The following CCDC77 variants were observed in gnomAD, a reference collection of about 807,000 sequenced individuals.
CCDC77 encodes coiled-coil domain-containing protein 77.
CCDC77 carries 56 observed loss-of-function variants against 66.8 expected under a neutral mutation model. The ratio of observed to expected loss-of-function variants is 0.84; its 90% CI spans 0.68 to 1.05. The LOEUF (loss-of-function observed/expected upper bound fraction) is 1.05. CCDC77 is among the 50% of genes least tolerant of loss of function. The probability of loss-of-function intolerance (pLI) is 0.00; values close to 1 mark genes in which losing one functional copy is unlikely to be tolerated. For missense variants in CCDC77, 570 were observed against 576.8 expected, an observed-to-expected ratio of 0.99 and a Z score of 0.12; for synonymous variants, 196 against 195.2, an observed-to-expected ratio of 1.00 and a Z score of -0.03.
At chr12:414,038 C>T (rs537107195) in intron 4 of CCDC77, among the ~76,000 whole-genome samples, 2 of 151,808 alleles carry the variant, frequency 1.3e-5, no homozygotes, top group Non-Finnish European at 2.9e-5. Flanking sequence ...TTGCCCTTTG[C>T]AGTGTCTGTC....
intron 1 of CCDC77, among the ~76,000 whole-genome samples, chr12:390,479 A>G (rs1225695004): frequency 6.6e-6 from 1 of 152,188 alleles, no homozygotes; most frequent in Non-Finnish European, 1.5e-5. Flanking sequence ...CCTCTGAGTA[A>G]CAAATCAGGG....
At chr12:432,192 C>G (rs543740647) in intron 8 of CCDC77, among the ~76,000 whole-genome samples, 16 of 152,108 alleles carry the variant, frequency 1.1e-4, no homozygotes, top group Non-Finnish European at 1.9e-4. Flanking sequence ...TATACTAAGC[C>G]CCATCCACCA....
Position 416,357 on chromosome 12 carries a change from G to GTATATATATATATATA in CCDC77, c.271-2136_271-2135insATATATATATATATAT, listed in dbSNP as rs1309603806. On this transcript the variant is annotated intron_variant, in intron 4 of 12. Coordinates refer to ENST00000239830, the MANE Select transcript of CCDC77 (RefSeq NM_032358.4). Reference sequence around the variant, plus strand: ...TGGGTGTGTGGGGGTGTGTGTGTGTGTGTGTGTGTGTGTGTGTGTGTATAT... The same window carrying GTATATATATATATATA: ...TGGGTGTGTGGGGGTGTGTGTGTGTGTATATATATATATATATGTGTGTGTGTGTGTGTGTGTATAT... 3.3e-4 allele frequency among the ~76,000 whole-genome samples: 13 copies of GTATATATATATATATA among 39,828 alleles called. 2 individuals are homozygous for GTATATATATATATATA. Among genetic ancestry groups the GTATATATATATATATA allele is most frequent in the Admixed American group, 5.1e-4 (1 of 1,944 alleles). The allele number at this position is 39,828 out of a possible 152,430, so 26.1% of individuals were successfully genotyped here.
intron 8 of CCDC77, among the ~76,000 whole-genome samples, chr12:432,210 T>C (rs1039208676): frequency 6.6e-5 from 10 of 152,200 alleles, no homozygotes; most frequent in Non-Finnish European, 1.2e-4. Flanking sequence ...CCAAAACCAT[T>C]ACAAGGTAAG....
At chr12:419,038 A>G (rs1945341189) in intron 5 of CCDC77, among the ~76,000 whole-genome samples, 1 of 152,132 alleles carries the variant, frequency 6.6e-6, no homozygotes, top group Admixed American at 6.6e-5. Context: ...CTCCACATTA[A>G]TTCTCTTAGG....
intron 1 of CCDC77, among the ~76,000 whole-genome samples, chr12:391,106 A>G (rs1944747496): frequency 6.6e-6 from 1 of 152,230 alleles, no homozygotes; most frequent in Non-Finnish European, 1.5e-5. Flanking sequence ...TCACATTACA[A>G]AGGGGTGTAG....
chr12:439,912 T>C (rs1403366140), intron 10 of CCDC77, among the ~76,000 whole-genome samples: 2 of 152,260 alleles, frequency 1.3e-5, no homozygotes, highest in Non-Finnish European at 2.9e-5. Context: ...CACTCTCTTA[T>C]ATCTAGTGTT....
At chr12:389,808 TTC>T (rs1340969395) in intron 1 of CCDC77, among the ~76,000 whole-genome samples, 1 of 152,184 alleles carries the variant, frequency 6.6e-6, no homozygotes, top group Non-Finnish European at 1.5e-5. Context: ...TTTCCAGCAT[TTC>T]TCTTTTTTTA....
chr12:419,292 C>G (rs1330044787), intron 5 of CCDC77, among the ~76,000 whole-genome samples: 1 of 152,188 alleles, frequency 6.6e-6, no homozygotes, highest in Non-Finnish European at 1.5e-5. Flanking sequence ...AGGTAGTCCC[C>G]AGGGAGGGTA....
chr12:432,517 A>G (rs530878712), intron 8 of CCDC77, among the ~76,000 whole-genome samples: 42 of 152,342 alleles, frequency 2.8e-4, no homozygotes, highest in South Asian at 1.9e-3. Flanking sequence ...AGGAAATTAC[A>G]TTATATTCAT....
intron 5 of CCDC77, among the ~76,000 whole-genome samples, chr12:424,084 T>C (rs1428543634): frequency 6.6e-6 from 1 of 152,048 alleles, no homozygotes; most frequent in Non-Finnish European, 1.5e-5. Flanking sequence ...TGTCCTCCCA[T>C]GTCAGCCTCC....
intron 9 of CCDC77, among the ~76,000 whole-genome samples, chr12:435,607 C>T (rs1243999833): frequency 1.3e-5 from 2 of 152,258 alleles, no homozygotes; most frequent in African/African-American, 4.8e-5. Context: ...AACTCCACAA[C>T]TTAGTACTTC....
intron 1 of CCDC77, among the ~76,000 whole-genome samples, chr12:404,142 C>G (rs1944949568): frequency 6.6e-6 from 1 of 152,134 alleles, no homozygotes; most frequent in Non-Finnish European, 1.5e-5. Context: ...CATGGCGAAA[C>G]CCTGTCTTTA....
intron 5 of CCDC77, among the ~76,000 whole-genome samples, chr12:423,470 GTTTTTTGTGTTTTTTTTTGTTTTGT>G (rs1296413533): frequency 1.3e-4 from 6 of 44,874 alleles, no homozygotes; most frequent in South Asian, 9.8e-4. Flanking sequence ...TGTTTTTTGT[GTTTTTTGTGTTTTTTTTTGTTTTGT>G]TTTTTTTTTT....
intron 9 of CCDC77, among the ~76,000 whole-genome samples, chr12:434,298 T>C (rs1945706798): frequency 6.6e-6 from 1 of 152,072 alleles, no homozygotes; most frequent in African/African-American, 2.4e-5. Context: ...ACCATTTTAC[T>C]AAACATGCCC....
At chr12:404,368 A>G (rs1391625783) in intron 1 of CCDC77, among the ~76,000 whole-genome samples, 1 of 152,248 alleles carries the variant, frequency 6.6e-6, no homozygotes, top group Non-Finnish European at 1.5e-5. Flanking sequence ...TAAGAATACA[A>G]GTGAAGGAGT....
intron 1 of CCDC77, among the ~76,000 whole-genome samples, chr12:395,944 A>C (rs1311912741): frequency 6.6e-6 from 1 of 152,086 alleles, no homozygotes; most frequent in Non-Finnish European, 1.5e-5. Flanking sequence ...AATCAAGTGC[A>C]GTGGCATGCA....
intron 1 of CCDC77, chr12:395,022 AAAGT>A (rs1006340021): frequency 3.9e-5 from 6 of 152,250 alleles, no homozygotes; most frequent in South Asian, 4.1e-4. Context: ...TAAAGTGGAG[AAAGT>A]AAGGGGGCTT....
upstream of CCDC77, among the ~76,000 whole-genome samples, chr12:400,785 A>C (rs146540090): frequency 1.3e-5 from 2 of 152,222 alleles, no homozygotes; most frequent in Non-Finnish European, 2.9e-5. Context: ...AAAATTACCA[A>C]ATGTGGTGCA....
Sources: gnomAD v4.1 joint callset for allele counts (sites outside exome capture counted in the v4.1 genomes callset) on GRCh38, gnomAD v4.1.1 for gene constraint, MANE v1.5 for transcripts, NCBI Gene and HGNC (gene_info 2026-07-23, HGNC 2026-07-21) for gene names.